Variants in PCDHA2 observed in about 807,000 individuals in gnomAD.
The protein encoded by PCDHA2 is protocadherin alpha-2.
Under a neutral mutation model 66.0 loss-of-function variants are expected in PCDHA2, and 58 were observed. The ratio of observed to expected loss-of-function variants is 0.88; its 90% confidence interval spans 0.71 to 1.09. The LOEUF is 1.09. Among genes scored for constraint, PCDHA2 ranks in the 50% least tolerant of loss-of-function variants. The pLI is 0.00. For synonymous variants in PCDHA2, 634 were observed against 554.0 expected, an observed-to-expected ratio of 1.14 and a Z score of -2.03; for missense variants, 1,267 against 1,242.3, an observed-to-expected ratio of 1.02 and a Z score of -0.30.
chr5:140,797,086 T>C lies in PCDHA2; in HGVS notation c.2122T>C (p.Ser708Pro), dbSNP rs1554120291. ...VYLIIAICAVSSLLVLTVLLY... is the reference protein window; with the variant it reads ...VYLIIAICAVPSLLVLTVLLY... ...CCTGATCATCGCCATCTGCGCGGTA[T>C]CCAGCCTGTTGGTGCTCACGGTGCT... The change falls in exon 1 of 4, where the codon TCC (serine) becomes CCC (proline). Residue 708 changes from serine to proline, a missense_variant. Coordinates refer to ENST00000526136, the MANE Select transcript of PCDHA2 (RefSeq NM_018905.3). 2 of 1,613,954 alleles carry C rather than the reference T, an allele frequency of 1.2e-6. No homozygotes were observed. The highest frequency in any genetic ancestry group is 1.7e-6 in the Non-Finnish European group (2 of 1,179,970).
chr5:140,967,608 C>T, intron 1 of PCDHA2: 1 of 1,614,160 alleles, frequency 6.2e-7, no homozygotes, highest in Non-Finnish European at 8.5e-7. Flanking sequence ...AAGCTGAATG[C>T]CTCAGACCCG....
At chr5:140,841,207 T>A in intron 1 of PCDHA2, 1 of 1,357,192 alleles carries the variant, frequency 7.4e-7, no homozygotes, top group Non-Finnish European at 1.0e-6. Context: ...ACAGCATCTG[T>A]CTCTAAAGGC....
At chr5:140,927,045 C>T (rs965998627) in intron 1 of PCDHA2, 8 of 1,612,136 alleles carry the variant, frequency 5.0e-6, no homozygotes, top group African/African-American at 1.3e-5. Flanking sequence ...CCGCTATGTC[C>T]TCGCGGAACT....
At chr5:140,873,113 C>T (rs2054104761) in intron 1 of PCDHA2, among the ~76,000 whole-genome samples, 1 of 152,114 alleles carries the variant, frequency 6.6e-6, no homozygotes, top group Admixed American at 6.5e-5. Flanking sequence ...TACCATTTGG[C>T]ACAATATTCA....
chr5:140,861,529 A>G, intron 1 of PCDHA2: 1 of 450,984 alleles, frequency 2.2e-6, no homozygotes, highest in Non-Finnish European at 4.6e-6. Flanking sequence ...AGGATCTCGG[A>G]GTGCAGCATC....
At chr5:140,821,958 C>T (rs1322134244) in intron 1 of PCDHA2, 1 of 1,614,038 alleles carries the variant, frequency 6.2e-7, no homozygotes, top group Non-Finnish European at 8.5e-7. Context: ...TGGTGCCGCG[C>T]CTGTTCCGGG....
intron 1 of PCDHA2, among the ~76,000 whole-genome samples, chr5:140,840,258 A>AT (rs1258351713): frequency 9.9e-5 from 15 of 152,108 alleles, no homozygotes; most frequent in South Asian, 2.1e-4. Context: ...AAAAATTGTG[A>AT]TTTTTTAATG....
At chr5:140,807,404 G>C (rs201303975) in intron 1 of PCDHA2, 1 of 736,864 alleles carries the variant, frequency 1.4e-6, no homozygotes, top group Non-Finnish European at 1.8e-6. Flanking sequence ...GGGCCGCGGA[G>C]GCCTTCTGGA....
chr5:140,868,468 TA>T (rs2050485574), intron 1 of PCDHA2: 1 of 152,446 alleles, frequency 6.6e-6, no homozygotes, highest in Non-Finnish European at 1.5e-5. Flanking sequence ...GCTGCTTTTA[TA>T]AAACTTCAAT....
At chr5:140,972,829 A>T (rs1554234573) in intron 1 of PCDHA2, among the ~76,000 whole-genome samples, 2 of 151,928 alleles carry the variant, frequency 1.3e-5, no homozygotes, top group African/African-American at 4.8e-5. Flanking sequence ...ACGCCTGGCT[A>T]ATTTTTGTAT....
At chr5:140,927,359 A>G in intron 1 of PCDHA2, 2 of 1,613,980 alleles carry the variant, frequency 1.2e-6, no homozygotes, top group Middle Eastern at 1.6e-4. Flanking sequence ...GAGGGAAGCA[A>G]TGGGATACTA....
rs144585858 is a variant in PCDHA2 at position 140,984,129 on chromosome 5, G to A, written c.2536+1566G>A. On this transcript the variant is annotated intron_variant, in intron 3 of 3. Transcript: ENST00000526136. The stretch of plus-strand genomic sequence containing the variant: ...GGTTTTAGACTGCCAAGTGTTGCAG[G>A]ATGTGGAGGCATCTGGGAAGGTGAG... 1.3e-3 allele frequency among the ~76,000 whole-genome samples: 205 copies of A among 152,236 alleles called. 1 individual carries two copies. Among genetic ancestry groups the A allele is most frequent in the Non-Finnish European group, 2.6e-3 (175 of 68,046 alleles).
intron 1 of PCDHA2, chr5:140,852,195 C>A: frequency 2.8e-6 from 2 of 709,280 alleles, no homozygotes; most frequent in African/African-American, 1.9e-5. Context: ...ATGCCAGTAA[C>A]GTTTATTTAA....
At chr5:140,858,318 G>A (rs1441459097) in intron 1 of PCDHA2, 1 of 1,596,952 alleles carries the variant, frequency 6.3e-7, no homozygotes, top group African/African-American at 1.3e-5. Flanking sequence ...CAGAGGGTGT[G>A]TTCTGGGGAG....
chr5:140,851,247 G>A (rs1554145321), intron 1 of PCDHA2: 3 of 1,093,404 alleles, frequency 2.7e-6, no homozygotes. Flanking sequence ...GCTAAATGAT[G>A]CATAGTATTT....
chr5:140,966,449 C>CT (rs1737219736), intron 1 of PCDHA2: 1 of 425,908 alleles, frequency 2.3e-6, no homozygotes, highest in South Asian at 9.0e-5. Context: ...CCCTTTCCCC[C>CT]TCCCCCTCTG....
chr5:140,847,411 A>G (rs1333406263), intron 1 of PCDHA2: 4 of 149,582 alleles, frequency 2.7e-5, no homozygotes, highest in African/African-American at 9.8e-5. Context: ...ATAAACACTC[A>G]CGGTTTTGCC....
intron 1 of PCDHA2, chr5:140,810,786 C>T (rs1372033546): frequency 7.2e-5 from 11 of 151,812 alleles, no homozygotes; most frequent in African/African-American, 2.7e-4. Flanking sequence ...TAGTTTTCAA[C>T]CTCATGGCTA....
At position 140,794,927 on chromosome 5, in the gene PCDHA2, A is replaced by G. The variant is rs1440894881; in HGVS notation, c.-38A>G. 1 of 1,559,156 alleles carries G rather than the reference A, an allele frequency of 6.4e-7. No homozygotes were observed. The highest frequency in any genetic ancestry group is 8.7e-7 in the Non-Finnish European group (1 of 1,155,178). Reference sequence around the variant, plus strand: ...TAGAATATTTAAATTTTTGCAAAACATGCTCTTCTAATTTGATCAAAACAT... The same window carrying G: ...TAGAATATTTAAATTTTTGCAAAACGTGCTCTTCTAATTTGATCAAAACAT... On this transcript the variant is annotated 5_prime_UTR_variant, in exon 1 of 4. An upstream start codon of the reference 5' UTR is lost. Transcript: ENST00000526136.
Sources: allele counts gnomAD v4.1 joint callset (sites outside exome capture counted in the v4.1 genomes callset), GRCh38; gene constraint gnomAD v4.1.1; transcripts MANE v1.5; gene names NCBI Gene and HGNC (gene_info 2026-07-23, HGNC 2026-07-21).